The following CFAP61 variants were observed in gnomAD, a reference collection of about 807,000 sequenced individuals.
The protein encoded by CFAP61 is cilia and flagella associated protein 61.
A neutral mutation model predicts 135.6 loss-of-function variants in CFAP61; 107 were observed. The ratio of observed to expected loss-of-function variants is 0.79; its 90% CI spans 0.67 to 0.93. The LOEUF (loss-of-function observed/expected upper bound fraction) is 0.93, where lower values mean the gene tolerates loss of function less well. Among genes scored for constraint, CFAP61 ranks in the 40% least tolerant of loss-of-function variants. The probability of loss-of-function intolerance (pLI) is 0.00; values close to 1 mark genes in which losing one functional copy is unlikely to be tolerated. For synonymous variants in CFAP61, 575 were observed against 578.5 expected, an observed-to-expected ratio of 0.99 and a Z score of 0.09; for missense variants, 1,507 against 1,556.2, an observed-to-expected ratio of 0.97 and a Z score of 0.53.
At chr20:20,264,049 T>C (rs1428063929) in intron 21 of CFAP61, among the ~76,000 whole-genome samples, 3 of 152,190 alleles carry the variant, frequency 2.0e-5, no homozygotes, top group African/African-American at 7.2e-5. Flanking sequence ...TGGTGGACCA[T>C]TTAGGTATTA....
chr20:20,355,784 T>G (rs1369195525), intron 26 of CFAP61, among the ~76,000 whole-genome samples: 5 of 91,514 alleles, frequency 5.5e-5, no homozygotes, highest in African/African-American at 9.7e-5. Context: ...TGAGGGGAGG[T>G]GGTCACACTG....
At chr20:20,142,129 G>A (rs2051452110) in intron 8 of CFAP61, among the ~76,000 whole-genome samples, 1 of 152,202 alleles carries the variant, frequency 6.6e-6, no homozygotes, top group Non-Finnish European at 1.5e-5. Context: ...GAGAAAAAAG[G>A]AGGGGAGGAG....
At chr20:20,117,344 A>G (rs2049222738) in intron 8 of CFAP61, among the ~76,000 whole-genome samples, 1 of 152,102 alleles carries the variant, frequency 6.6e-6, no homozygotes, top group African/African-American at 2.4e-5. Context: ...ACTCCATCTC[A>G]AAAAATAAAT....
At chr20:20,055,576 C>T (rs1010400966) in intron 1 of CFAP61, among the ~76,000 whole-genome samples, 2 of 152,154 alleles carry the variant, frequency 1.3e-5, no homozygotes, top group Admixed American at 6.5e-5. Flanking sequence ...TTCCCTCGCT[C>T]GCTTTCTTTC....
At chr20:20,221,086 T>C (rs1300050257) in intron 17 of CFAP61, 1 of 152,168 alleles carries the variant, frequency 6.6e-6, no homozygotes, top group Non-Finnish European at 1.5e-5. Context: ...AGTTTGTGGC[T>C]GACCCTGTAT....
chr20:20,196,463 G>T (rs745561273), intron 15 of CFAP61, 107 bp from the exon 16 acceptor site: 90 of 801,158 alleles, frequency 1.1e-4, no homozygotes, highest in Non-Finnish European at 1.6e-4. Context: ...AGAAAAATAC[G>T]TTTCTTACTA....
chr20:20,214,879 G>T (rs1461971769), intron 17 of CFAP61, among the ~76,000 whole-genome samples: 1 of 152,194 alleles, frequency 6.6e-6, no homozygotes, highest in Non-Finnish European at 1.5e-5. Context: ...TTAGGGCGCA[G>T]GGCAGGCAGA....
intron 11 of CFAP61, among the ~76,000 whole-genome samples, chr20:20,164,962 A>G (rs750620085): frequency 6.6e-6 from 1 of 152,208 alleles, no homozygotes; most frequent in African/African-American, 2.4e-5. Context: ...CATGAGACTT[A>G]TTCAATACCA....
In CFAP61 at chr20:20,298,354, G is replaced by A. The variant is rs772954041; in HGVS notation, c.3390G>A (p.Arg1130=). 3 of 1,614,108 alleles carry A rather than the reference G, an allele frequency of 1.9e-6. No homozygotes were observed. The highest frequency in any genetic ancestry group is 2.5e-6 in the Non-Finnish European group (3 of 1,179,998). ...AACTCCTCAACAACCTGTGTGCTCG[G>A]TACGATGAAAACCTGATCACAGATC... ...HEQLLNNLCA[R]YDENLITDLY... Residue 1130 remains arginine, a synonymous_variant, in exon 25 of 27, where the codon CGG becomes CGA. Transcript: ENST00000245957.
chr20:20,101,708 C>T (rs562232221), intron 8 of CFAP61, among the ~76,000 whole-genome samples: 1 of 152,194 alleles, frequency 6.6e-6, no homozygotes, highest in East Asian at 1.9e-4. Context: ...TCATTGCAAC[C>T]TCTGCCTCCC....
intron 13 of CFAP61, among the ~76,000 whole-genome samples, chr20:20,181,300 C>CACACACAT (rs1296253250): frequency 5.3e-5 from 8 of 150,356 alleles, no homozygotes; most frequent in Admixed American, 4.0e-4. Context: ...CACACACACA[C>CACACACAT]ATAACCTTGT....
At chr20:20,250,152 C>T (rs112387514) in intron 19 of CFAP61, among the ~76,000 whole-genome samples, 34 of 152,140 alleles carry the variant, frequency 2.2e-4, no homozygotes, top group African/African-American at 8.2e-4. Flanking sequence ...CAGGCTTATG[C>T]GCAGATCAAA....
chr20:20,140,375 G>C (rs2051288118), intron 8 of CFAP61, among the ~76,000 whole-genome samples: 1 of 135,538 alleles, frequency 7.4e-6, no homozygotes, highest in South Asian at 2.5e-4. Context: ...CCCAGAGTGT[G>C]ATGTTCCCCT....
chr20:20,328,634 T>C lies in CFAP61; in HGVS notation c.3423-13197T>C, dbSNP rs151320326. Among the ~76,000 whole-genome samples the C allele has an allele frequency of 2.0e-5, 3 of 152,202 alleles. No individual in the cohort carries two copies. In the East Asian group the frequency reaches 5.8e-4, roughly 29 times the overall value. On this transcript the variant is annotated intron_variant, in intron 25 of 26. Coordinates refer to ENST00000245957, the MANE Select transcript of CFAP61 (RefSeq NM_015585.4). The stretch of plus-strand genomic sequence containing the variant: ...GAGAGAAAGTATTTGCAAACCATAC[T>C]TCTGATAGGGGGTTAATATCCAAAA...
intron 8 of CFAP61, among the ~76,000 whole-genome samples, chr20:20,135,157 C>T (rs892882329): frequency 6.6e-6 from 1 of 152,026 alleles, no homozygotes; most frequent in Admixed American, 6.6e-5. Context: ...AATGATGTAA[C>T]GAGCCAAGGA....
intron 16 of CFAP61, among the ~76,000 whole-genome samples, chr20:20,197,069 A>G (rs543174131): frequency 5.3e-5 from 8 of 152,304 alleles, no homozygotes; most frequent in African/African-American, 1.9e-4. Context: ...GAGCATGAAG[A>G]TCTAATAATT....
At position 20,143,958 on chromosome 20, in the gene CFAP61, C is replaced by G. The variant is rs138055663; in HGVS notation, c.951+1010C>G. Among the ~76,000 whole-genome samples the G allele has an allele frequency of 7.5e-4, 115 of 152,336 alleles. 1 individual carries two copies. Among genetic ancestry groups the G allele is most frequent in the African/African-American group, 2.5e-3 (103 of 41,580 alleles). On this transcript the variant is annotated intron_variant, in intron 9 of 26. Transcript: ENST00000245957. The stretch of plus-strand genomic sequence containing the variant: ...GCCTGTACAAAGTTAGGAATAGTGC[C>G]TGTTCTCACCAGCCAGACTGGAAAA...
chr20:20,108,622 A>G (rs964182985), intron 8 of CFAP61, among the ~76,000 whole-genome samples: 10 of 152,230 alleles, frequency 6.6e-5, no homozygotes, highest in African/African-American at 2.4e-4. Context: ...CTAAAATGAC[A>G]AAAGGGCTGG....
At chr20:20,141,391 T>C (rs2051389749) in intron 8 of CFAP61, among the ~76,000 whole-genome samples, 1 of 152,326 alleles carries the variant, frequency 6.6e-6, no homozygotes, top group Admixed American at 6.5e-5. Flanking sequence ...ATAGTCTTAT[T>C]TGGAAAATTC....
Sources: allele counts gnomAD v4.1 joint callset (sites outside exome capture counted in the v4.1 genomes callset), GRCh38; gene constraint gnomAD v4.1.1; transcripts MANE v1.5; gene names NCBI Gene and HGNC (gene_info 2026-07-23, HGNC 2026-07-21).